The following RGMA variants were observed in gnomAD, a reference collection of about 807,000 sequenced individuals.
RGMA encodes the protein repulsive guidance molecule BMP co-receptor a.
In RGMA, 10 loss-of-function variants were observed where a neutral mutation model predicts 23.2. That is an observed-to-expected ratio of 0.43 (90% confidence interval 0.27 to 0.73). The LOEUF is 0.73. Among genes scored for constraint, RGMA ranks in the 30% least tolerant of loss-of-function variants. RGMA has a pLI of 0.20. For synonymous variants in RGMA, 308 were observed against 279.3 expected (o/e 1.10, Z -1.03); for missense variants, 547 against 630.5 (o/e 0.87, Z 1.42).
intron 3 of RGMA, among the ~76,000 whole-genome samples, chr15:93,050,958 T>C (rs545549185): frequency 6.6e-6 from 1 of 152,268 alleles, no homozygotes; most frequent in African/African-American, 2.4e-5. Flanking sequence ...GGCTGGGTCC[T>C]TGATGCAGGC....
chr15:93,066,189 G>A (rs1323726753), intron 2 of RGMA: 5 of 1,427,002 alleles, frequency 3.5e-6, no homozygotes, highest in Non-Finnish European at 4.9e-6. Flanking sequence ...CTCCTTCCAC[G>A]ACATCAAATT....
At chr15:93,051,386 G>A (rs1195562048) in intron 3 of RGMA, among the ~76,000 whole-genome samples, 2 of 152,224 alleles carry the variant, frequency 1.3e-5, no homozygotes, top group Admixed American at 6.5e-5. Context: ...GAGGGTGGAC[G>A]TGTCCCCATC....
chr15:93,072,552 AAG>A, intron 2 of RGMA, among the ~76,000 whole-genome samples: 1 of 152,188 alleles, frequency 6.6e-6, no homozygotes, highest in African/African-American at 2.4e-5. Flanking sequence ...GAGCTGAAGA[AAG>A]TGTCCCCAGC....
At chr15:93,080,091 A>G (rs1596107561) in intron 1 of RGMA, among the ~76,000 whole-genome samples, 1 of 152,182 alleles carries the variant, frequency 6.6e-6, no homozygotes, top group Non-Finnish European at 1.5e-5. Context: ...AAATTTAAAA[A>G]TTTTACCAAA....
chr15:93,048,172 T>C (rs1434738691), intron 3 of RGMA, among the ~76,000 whole-genome samples: 2 of 152,276 alleles, frequency 1.3e-5, no homozygotes, highest in Non-Finnish European at 1.5e-5. Context: ...CCTGGCCGTG[T>C]TGCTGTGGCT....
At chr15:93,084,347 G>A (rs930769240) in intron 1 of RGMA, among the ~76,000 whole-genome samples, 6 of 152,182 alleles carry the variant, frequency 3.9e-5, no homozygotes, top group Admixed American at 1.3e-4. Context: ...ATGGTATTCC[G>A]GCAAGGCATT....
intron 2 of RGMA, among the ~76,000 whole-genome samples, chr15:93,059,349 G>A (rs189360547): frequency 2.6e-5 from 4 of 152,306 alleles, no homozygotes; most frequent in Admixed American, 2.6e-4. Context: ...CAGGAGCAGC[G>A]GCTGCTGCCA....
intron 1 of RGMA, among the ~76,000 whole-genome samples, chr15:93,083,337 AT>A (rs755159919): frequency 1.3e-5 from 2 of 151,596 alleles, no homozygotes; most frequent in South Asian, 2.1e-4. Flanking sequence ...AGCTTTTTTT[AT>A]TTTTTTTGAG....
intron 1 of RGMA, chr15:93,088,241 T>TC: frequency 4.2e-6 from 2 of 475,086 alleles, no homozygotes; most frequent in Non-Finnish European, 5.5e-6. Context: ...ACACCCGCCC[T>TC]CCCATTGAAT....
intron 1 of RGMA, among the ~76,000 whole-genome samples, chr15:93,080,959 TGGTCTCCAA>T (rs1288781900): frequency 1.3e-5 from 2 of 152,208 alleles, no homozygotes; most frequent in African/African-American, 4.8e-5. Context: ...ACCTACTATC[TGGTCTCCAA>T]GTTTGCAAAT....
intron 2 of RGMA, among the ~76,000 whole-genome samples, chr15:93,063,565 G>C (rs192424491): frequency 0.019 from 2,897 of 152,314 alleles, 93 homozygotes; most frequent in African/African-American, 0.065. Flanking sequence ...CAGGTGTTTG[G>C]CATCAGATAC....
intron 1 of RGMA, among the ~76,000 whole-genome samples, chr15:93,083,709 A>G (rs999247128): frequency 3.9e-5 from 6 of 152,222 alleles, no homozygotes; most frequent in African/African-American, 1.4e-4. Flanking sequence ...ACAACAAAAT[A>G]AATTAAACTC....
rs765601377 is a variant in RGMA at position 93,043,304 on chromosome 15, GCACACA to G, written c.*1688_*1693del. 6.6e-6 allele frequency: 1 copy of G among 150,690 alleles called. No homozygotes were observed. Among genetic ancestry groups the G allele is most frequent in the African/African-American group, 2.4e-5 (1 of 41,072 alleles). 9.3% of individuals were successfully genotyped at this position (150,690 alleles called of 1,614,324 possible). On this transcript the variant is annotated 3_prime_UTR_variant, in exon 4 of 4. Transcript: ENST00000329082. ...CACATGCGCGCACACACACATGCGC[GCACACA>G]CACACACTTGCTGCAGGGGATCCCA...
chr15:93,051,954 G>C (rs1262950664), intron 3 of RGMA, 39 bp downstream of exon 3: 1 of 1,541,992 alleles, frequency 6.5e-7, no homozygotes, highest in African/African-American at 1.4e-5. Context: ...CAGAGACAAA[G>C]GGCAGGGCTG....
chr15:93,088,183 C>T, intron 1 of RGMA: 1 of 824,212 alleles, frequency 1.2e-6, no homozygotes, highest in Non-Finnish European at 1.5e-6. Flanking sequence ...AAGTCTAATA[C>T]AATTACATTA....
Position 93,044,788 on chromosome 15 carries a change from T to A in RGMA, c.*210A>T. The A allele has an allele frequency of 1.7e-6, 1 of 595,820 alleles. No individual in the cohort carries two copies. The highest frequency in any genetic ancestry group is 3.0e-6 in the Non-Finnish European group (1 of 334,626). The allele number at this position is 595,820 out of a possible 1,614,324, so 36.9% of individuals were successfully genotyped here. On this transcript the variant is annotated 3_prime_UTR_variant, in exon 4 of 4. Coordinates refer to ENST00000329082, the MANE Select transcript of RGMA (RefSeq NM_020211.3). ...TGCTCTCCCTCTCACACAGCTCTACTGTCAAACATCATGGCACCAGTCACC... is the reference window on the plus strand; with the variant it reads ...TGCTCTCCCTCTCACACAGCTCTACAGTCAAACATCATGGCACCAGTCACC...
In RGMA at chr15:93,063,887, C is replaced by T. The variant is rs529846663; in HGVS notation, c.130+9029G>A. Among the ~76,000 whole-genome samples, 294 of 152,318 alleles carry T rather than the reference C, an allele frequency of 1.9e-3. 2 individuals are homozygous for T. The highest frequency in any genetic ancestry group is 2.2e-3 in the African/African-American group (93 of 41,562). ...GTTGTGGAGGGGTAACTCACAGCCA[C>T]GTGAGCATGGGCAAAAGTGGCCGAA... On this transcript the variant is annotated intron_variant, in intron 2 of 3. Coordinates refer to ENST00000329082, the MANE Select transcript of RGMA (RefSeq NM_020211.3).
At chr15:93,058,601 G>C (rs2055050830) in intron 2 of RGMA, among the ~76,000 whole-genome samples, 1 of 152,148 alleles carries the variant, frequency 6.6e-6, no homozygotes, top group African/African-American at 2.4e-5. Context: ...CCTTAATATA[G>C]ACCCAGGACT....
intron 1 of RGMA, among the ~76,000 whole-genome samples, chr15:93,075,361 T>A (rs1323189823): frequency 6.6e-6 from 1 of 152,144 alleles, no homozygotes; most frequent in African/African-American, 2.4e-5. Context: ...CAAACAGGTG[T>A]ATGCACTGAT....
Sources: allele counts gnomAD v4.1 joint callset (sites outside exome capture counted in the v4.1 genomes callset), GRCh38; gene constraint gnomAD v4.1.1; transcripts MANE v1.5; gene names NCBI Gene and HGNC (gene_info 2026-07-23, HGNC 2026-07-21).